Variants in RECK observed in about 807,000 individuals in gnomAD.
RECK encodes the protein reversion inducing cysteine rich protein with kazal motifs.
RECK carries 69 observed loss-of-function variants against 115.1 expected under a neutral mutation model. That is an observed-to-expected ratio of 0.60 (90% CI 0.49 to 0.73). The LOEUF (loss-of-function observed/expected upper bound fraction) is 0.73, where lower values mean the gene tolerates loss of function less well. Ranked by LOEUF, RECK falls within the 30% of genes least tolerant of loss-of-function variation. The probability of loss-of-function intolerance (pLI) is 0.00; values close to 1 mark genes in which losing one functional copy is unlikely to be tolerated. For missense variants in RECK, 1,047 were observed against 1,203.7 expected (o/e 0.87, Z 1.93); for synonymous variants, 414 against 419.7 (o/e 0.99, Z 0.17).
At chr9:36,060,008 G>C in intron 3 of RECK, 111 bp from the exon 4 acceptor site, 1 of 931,838 alleles carries the variant, frequency 1.1e-6, no homozygotes, top group Admixed American at 1.8e-5. Flanking sequence ...AACATTGACT[G>C]TGTAGACATA....
chr9:36,083,090 C>A (rs868751125), intron 7 of RECK, among the ~76,000 whole-genome samples: 1 of 152,166 alleles, frequency 6.6e-6, no homozygotes. Context: ...AAATGCCAGT[C>A]GTAGTCCAAC....
chr9:36,090,974 G>A (rs1823134490), intron 9 of RECK, among the ~76,000 whole-genome samples, 190 bp from the exon 10 acceptor site: 1 of 152,198 alleles, frequency 6.6e-6, no homozygotes, highest in Non-Finnish European at 1.5e-5. Flanking sequence ...GGTGATAAAA[G>A]AAGCCTGTTT....
At chr9:36,111,590 C>T (rs1398185293) in intron 15 of RECK, among the ~76,000 whole-genome samples, 1 of 152,096 alleles carries the variant, frequency 6.6e-6, no homozygotes, top group East Asian at 1.9e-4. Context: ...GATGGGGTTT[C>T]TCCATGTTGG....
chr9:36,037,124 C>G, intron 1 of RECK, 26 bp downstream of exon 1: 1 of 1,253,600 alleles, frequency 8.0e-7, no homozygotes, highest in Non-Finnish European at 1.0e-6. Flanking sequence ...AGCAACGGTT[C>G]GAAGCTGTCG....
At chr9:36,075,037 C>T (rs1822394650) in intron 6 of RECK, among the ~76,000 whole-genome samples, 1 of 152,184 alleles carries the variant, frequency 6.6e-6, no homozygotes, top group African/African-American at 2.4e-5. Flanking sequence ...TTTTCCCCTC[C>T]CTTTAGCAGA....
At chr9:36,059,162 G>A (rs1220462892) in intron 3 of RECK, among the ~76,000 whole-genome samples, 1 of 151,862 alleles carries the variant, frequency 6.6e-6, no homozygotes, top group Non-Finnish European at 1.5e-5. Context: ...TTTCATTATA[G>A]TATTTTATCT....
intron 4 of RECK, among the ~76,000 whole-genome samples, chr9:36,060,826 C>G (rs756063194): frequency 3.3e-5 from 5 of 152,132 alleles, no homozygotes; most frequent in Non-Finnish European, 5.9e-5. Flanking sequence ...TTCTAGATAT[C>G]TTTGTAGACA....
rs544256184 is a variant in RECK, at chr9:36,049,499, C to CA, written c.101-2753dup. Among the ~76,000 whole-genome samples, 850 of 141,422 alleles carry CA rather than the reference C, an allele frequency of 6.0e-3. 5 individuals are homozygous for CA. Among genetic ancestry groups the CA allele is most frequent in the Non-Finnish European group, 7.9e-3 (508 of 64,524 alleles). 92.8% of individuals were successfully genotyped at this position (141,422 alleles called of 152,430 possible). On this transcript the variant is annotated intron_variant, in intron 1 of 20. Coordinates refer to ENST00000377966, the MANE Select transcript of RECK (RefSeq NM_021111.3). ...CATGTAAAATACACTAACACTAATG[C>CA]AAAAAAAAAAAAATCTCGTAATGTT...
In RECK at chr9:36,091,177, A is replaced by G; in HGVS notation, c.919A>G (p.Lys307Glu). Residue 307 changes from lysine (K) to glutamate (E), a missense_variant, in exon 10 of 21, where the codon AAA becomes GAA. By Grantham distance (56) the Lys-to-Glu change is moderately conservative. Transcript: ENST00000377966. ...CTCTTGTTTCAGGGAACTCTGCACT[A>G]AACTTTACAGCATGAGCTGGGGCAA... ...NTSTCRELCTKLYSMSWGNTQ... is the reference protein window; with the variant it reads ...NTSTCRELCTELYSMSWGNTQ... 1.9e-6 allele frequency: 3 copies of G among 1,614,010 alleles called. No homozygotes were observed. The highest frequency in any genetic ancestry group is 2.5e-6 in the Non-Finnish European group (3 of 1,179,924).
intron 6 of RECK, among the ~76,000 whole-genome samples, chr9:36,068,907 A>T (rs28431890): frequency 0.08 from 12,126 of 152,222 alleles, 617 homozygotes; most frequent in East Asian, 0.29. Flanking sequence ...ATTTGTATCA[A>T]GTGAGTGTTT....
At chr9:36,049,887 A>T (rs1821218666) in intron 1 of RECK, among the ~76,000 whole-genome samples, 1 of 152,224 alleles carries the variant, frequency 6.6e-6, no homozygotes, top group Admixed American at 6.5e-5. Context: ...TATCTTCCAC[A>T]TTGCCAAGTA....
At chr9:36,043,191 A>ATTTTTTTTTTTTT (rs761649232) in intron 1 of RECK, among the ~76,000 whole-genome samples, 10 of 53,984 alleles carry the variant, frequency 1.9e-4, no homozygotes, top group East Asian at 6.9e-4. Flanking sequence ...CGCCTGGCTA[A>ATTTTTTTTTTTTT]TTTTTTTTTT....
chr9:36,114,162 CACTACTT>C (rs1824166236), intron 16 of RECK, among the ~76,000 whole-genome samples: 5 of 152,218 alleles, frequency 3.3e-5, no homozygotes, highest in Non-Finnish European at 7.3e-5. Context: ...TAACATTCAT[CACTACTT>C]CCAGGCACAT....
At chr9:36,117,593 GAA>G (rs977782169) in intron 17 of RECK, among the ~76,000 whole-genome samples, 51 of 152,326 alleles carry the variant, frequency 3.3e-4, no homozygotes, top group African/African-American at 1.1e-3. Context: ...CCAAGGTACT[GAA>G]AAGTCATTGA....
intron 18 of RECK, 91 bp from the exon 19 acceptor site, chr9:36,120,572 C>G: frequency 9.4e-7 from 1 of 1,061,918 alleles, no homozygotes; most frequent in Non-Finnish European, 1.4e-6. Context: ...AACTCTCCTG[C>G]CCAAAATGAA....
intron 1 of RECK, among the ~76,000 whole-genome samples, chr9:36,051,083 TG>T (rs1480373830): frequency 2.6e-5 from 4 of 152,320 alleles, no homozygotes; most frequent in South Asian, 4.1e-4. Context: ...AACAGACTTA[TG>T]TTTTTTTGAA....
intron 6 of RECK, among the ~76,000 whole-genome samples, chr9:36,076,049 C>A (rs925367918): frequency 2.6e-5 from 4 of 152,084 alleles, no homozygotes; most frequent in African/African-American, 9.7e-5. Flanking sequence ...AGGAATGAAC[C>A]ATTTTTTTCA....
intron 13 of RECK, among the ~76,000 whole-genome samples, chr9:36,107,575 A>C (rs1823871680): frequency 6.6e-6 from 1 of 150,680 alleles, no homozygotes; most frequent in African/African-American, 2.4e-5. Context: ...ACTACACTCC[A>C]GCCTGGGCAA....
At chr9:36,106,166 C>T (rs1400575043) in intron 13 of RECK, among the ~76,000 whole-genome samples, 8 of 143,806 alleles carry the variant, frequency 5.6e-5, no homozygotes, top group Non-Finnish European at 1.2e-4. Context: ...GCCAAGATCG[C>T]GCCACTGCAC....
Sources: gnomAD v4.1 joint callset for allele counts (sites outside exome capture counted in the v4.1 genomes callset) on GRCh38, gnomAD v4.1.1 for gene constraint, MANE v1.5 for transcripts, NCBI Gene and HGNC (gene_info 2026-07-23, HGNC 2026-07-21) for gene names.